The following KCNT2 variants were observed in gnomAD, a reference collection of about 807,000 sequenced individuals.
KCNT2 encodes the protein potassium sodium-activated channel subfamily T member 2, also known as potassium channel subfamily T member 2.
KCNT2 carries 67 observed loss-of-function variants against 153.8 expected under a neutral mutation model. That is an observed-to-expected ratio of 0.44 (90% CI 0.36 to 0.53). KCNT2 has a LOEUF of 0.53. Ranked by LOEUF, KCNT2 falls within the 20% of genes least tolerant of loss-of-function variation. The pLI, the probability that KCNT2 is intolerant of heterozygous loss-of-function variation, is 0.00. For synonymous variants in KCNT2, 500 were observed against 458.8 expected (o/e 1.09, Z -1.15); for missense variants, 975 against 1,354.8 (o/e 0.72, Z 4.40).
intron 1 of KCNT2, among the ~76,000 whole-genome samples, chr1:196,548,837 G>C (rs1657487949): frequency 6.6e-6 from 1 of 152,064 alleles, no homozygotes; most frequent in Non-Finnish European, 1.5e-5. Flanking sequence ...AAAAAATGAA[G>C]AGTTCACGTC....
At chr1:196,498,227 A>G (rs1572645878) in intron 1 of KCNT2, among the ~76,000 whole-genome samples, 1 of 152,310 alleles carries the variant, frequency 6.6e-6, no homozygotes, top group East Asian at 1.9e-4. Flanking sequence ...TAATAACAGG[A>G]AAAATAATTC....
intron 12 of KCNT2, among the ~76,000 whole-genome samples, chr1:196,405,146 G>C (rs751157525): frequency 1.3e-5 from 2 of 150,734 alleles, no homozygotes; most frequent in Non-Finnish European, 3.0e-5. Context: ...AACTAACAAA[G>C]AAACAAGATT....
At chr1:196,382,842 C>A (rs1322002376) in intron 13 of KCNT2, among the ~76,000 whole-genome samples, 1 of 151,950 alleles carries the variant, frequency 6.6e-6, no homozygotes, top group Non-Finnish European at 1.5e-5. Context: ...ACGTTAAGGG[C>A]CGCTTTGAGC....
At chr1:196,250,044 A>C (rs1655814441) in intron 26 of KCNT2, among the ~76,000 whole-genome samples, 1 of 152,166 alleles carries the variant, frequency 6.6e-6, no homozygotes, top group South Asian at 2.1e-4. Flanking sequence ...CTACAGATTC[A>C]ATGTAATCCC....
intron 14 of KCNT2, among the ~76,000 whole-genome samples, chr1:196,366,604 C>T (rs1028912799): frequency 6.6e-6 from 1 of 152,122 alleles, no homozygotes; most frequent in East Asian, 1.9e-4. Flanking sequence ...AATACCAACT[C>T]CTTGATGAAG....
intron 1 of KCNT2, among the ~76,000 whole-genome samples, chr1:196,583,016 T>G (rs1278561699): frequency 6.6e-6 from 1 of 152,068 alleles, no homozygotes; most frequent in Admixed American, 6.6e-5. Flanking sequence ...AATAGGTGAA[T>G]ATCATGTGAC....
intron 14 of KCNT2, among the ~76,000 whole-genome samples, chr1:196,348,322 T>C (rs987343661): frequency 1.3e-5 from 2 of 152,046 alleles, no homozygotes; most frequent in Admixed American, 6.6e-5. Context: ...TAAGAAATAT[T>C]ATGGACAAAA....
At chr1:196,361,773 A>G (rs1667642982) in intron 14 of KCNT2, among the ~76,000 whole-genome samples, 1 of 152,152 alleles carries the variant, frequency 6.6e-6, no homozygotes, top group Admixed American at 6.6e-5. Flanking sequence ...ACATACTTTA[A>G]TCTATTAATG....
chr1:196,386,666 C>A (rs1221698646), intron 13 of KCNT2, among the ~76,000 whole-genome samples: 4 of 152,082 alleles, frequency 2.6e-5, no homozygotes, highest in African/African-American at 4.8e-5. Flanking sequence ...TAATCATATT[C>A]ATCTTGGTAA....
At chr1:196,533,681 T>G (rs1655211742) in intron 1 of KCNT2, among the ~76,000 whole-genome samples, 1 of 152,126 alleles carries the variant, frequency 6.6e-6, no homozygotes, top group Non-Finnish European at 1.5e-5. Flanking sequence ...GCAGAAGTAT[T>G]TATTTATTCA....
chr1:196,231,558 A>T (rs1166396027), intron 27 of KCNT2, among the ~76,000 whole-genome samples: 1 of 151,948 alleles, frequency 6.6e-6, no homozygotes. Context: ...AAAGAACAAC[A>T]GAGAGAATTA....
At chr1:196,421,959 T>A (rs1673245027) in intron 12 of KCNT2, among the ~76,000 whole-genome samples, 1 of 152,038 alleles carries the variant, frequency 6.6e-6, no homozygotes, top group Non-Finnish European at 1.5e-5. Context: ...CTGGTCATAT[T>A]GGATTAGCGC....
At chr1:196,485,013 C>T (rs1045549044) in intron 3 of KCNT2, among the ~76,000 whole-genome samples, 2 of 151,994 alleles carry the variant, frequency 1.3e-5, no homozygotes, top group African/African-American at 4.8e-5. Context: ...TTTATTGCAG[C>T]ACTATTTAAA....
chr1:196,596,054 GTGTATATATATATATATATATATA>G (rs71131715), intron 1 of KCNT2, among the ~76,000 whole-genome samples: 38,369 of 138,292 alleles, frequency 0.28, 5,947 homozygotes, highest in Admixed American at 0.37. Context: ...ATTCCATGAT[GTGTATATATATATATATATATATA>G]TATATATATA....
intron 1 of KCNT2, among the ~76,000 whole-genome samples, chr1:196,536,250 T>A (rs1475000540): frequency 6.6e-6 from 1 of 152,260 alleles, no homozygotes; most frequent in Non-Finnish European, 1.5e-5. Context: ...CTACCATATG[T>A]CTTGCCATAT....
At chr1:196,374,540 C>T (rs544626770) in intron 13 of KCNT2, among the ~76,000 whole-genome samples, 2 of 151,728 alleles carry the variant, frequency 1.3e-5, no homozygotes, top group Non-Finnish European at 3.0e-5. Context: ...TCTCCCCACA[C>T]CCACTTGTCA....
At chr1:196,497,524 T>C (rs1194514811) in intron 1 of KCNT2, among the ~76,000 whole-genome samples, 2 of 152,196 alleles carry the variant, frequency 1.3e-5, no homozygotes, top group African/African-American at 2.4e-5. Flanking sequence ...GCAAATCTTA[T>C]GCCATTTTAT....
At chr1:196,350,527 A>G (rs554008724) in intron 14 of KCNT2, among the ~76,000 whole-genome samples, 2 of 152,050 alleles carry the variant, frequency 1.3e-5, no homozygotes, top group African/African-American at 4.8e-5. Flanking sequence ...GTCTGTTCAT[A>G]TCCTTTGCCC....
intron 1 of KCNT2, among the ~76,000 whole-genome samples, chr1:196,576,628 C>A (rs532835570): frequency 4.8e-4 from 73 of 152,142 alleles, no homozygotes; most frequent in African/African-American, 1.6e-3. Flanking sequence ...ATGGAAAATA[C>A]TGCCAATATG....
Sources: allele counts gnomAD v4.1 joint callset (sites outside exome capture counted in the v4.1 genomes callset), GRCh38; gene constraint gnomAD v4.1.1; transcripts MANE v1.5; gene names NCBI Gene and HGNC (gene_info 2026-07-23, HGNC 2026-07-21).